The following AFG1L variants were observed in gnomAD, a reference collection of about 807,000 sequenced individuals.
The protein encoded by AFG1L is AFG1 like ATPase.
AFG1L carries 53 observed loss-of-function variants against 62.2 expected under a neutral mutation model. The ratio of observed to expected loss-of-function variants is 0.85; its 90% CI spans 0.68 to 1.07. The LOEUF (loss-of-function observed/expected upper bound fraction) is 1.07. Among genes scored for constraint, AFG1L ranks in the 50% least tolerant of loss-of-function variants. The probability of loss-of-function intolerance (pLI) is 0.00; values close to 1 mark genes in which losing one functional copy is unlikely to be tolerated. For missense variants in AFG1L, 555 were observed against 590.5 expected (o/e 0.94, Z 0.62); for synonymous variants, 228 against 210.3 (o/e 1.08, Z -0.73).
intron 6 of AFG1L, among the ~76,000 whole-genome samples, chr6:108,373,939 A>G (rs904131621): frequency 3.3e-5 from 5 of 152,140 alleles, no homozygotes; most frequent in African/African-American, 1.2e-4. Context: ...GGCTGAACTA[A>G]TTTACATTCC....
chr6:108,367,623 A>G (rs767767529), intron 6 of AFG1L, among the ~76,000 whole-genome samples: 3 of 152,206 alleles, frequency 2.0e-5, no homozygotes, highest in Non-Finnish European at 4.4e-5. Flanking sequence ...CAGAAAAAGC[A>G]GATTTGGTTA....
chr6:108,471,198 G>A (rs1418510068), intron 8 of AFG1L, among the ~76,000 whole-genome samples: 1 of 152,176 alleles, frequency 6.6e-6, no homozygotes, highest in South Asian at 2.1e-4. Context: ...CTTTCTTGAG[G>A]GTGAGATTTG....
In AFG1L at chr6:108,342,832, G is replaced by A. The variant is rs114292139; in HGVS notation, c.364-4156G>A. On this transcript the variant is annotated intron_variant, in intron 2 of 12. Transcript: ENST00000368977. ...TCAATTTACTTATATTAAAATCCCC[G>A]TCTTATACAGTATTCATGTGATATG... 9.0e-3 allele frequency among the ~76,000 whole-genome samples: 1,366 copies of A among 151,960 alleles called. 16 individuals are homozygous for A. The highest frequency in any genetic ancestry group is 0.03 in the African/African-American group (1,250 of 41,450).
rs532976098 is a variant in AFG1L, at chr6:108,502,744, T to C, written c.1063-7468T>C. 6.6e-4 allele frequency among the ~76,000 whole-genome samples: 100 copies of C among 152,350 alleles called. 1 individual carries two copies. Among genetic ancestry groups the C allele is most frequent in the African/African-American group, 2.3e-3 (96 of 41,584 alleles). ...TAAGACAATGAACTTTGCTGTACAA[T>C]GGACTCTTGCTTTCACAAAAGATTT... On this transcript the variant is annotated intron_variant, in intron 10 of 12. Transcript: ENST00000368977.
chr6:108,433,195 A>G (rs1237056338), intron 7 of AFG1L, among the ~76,000 whole-genome samples: 1 of 152,196 alleles, frequency 6.6e-6, no homozygotes, highest in East Asian at 1.9e-4. Flanking sequence ...TATGTGAACA[A>G]ATAAATCTGC....
intron 7 of AFG1L, among the ~76,000 whole-genome samples, chr6:108,437,302 G>A (rs1771353375): frequency 6.6e-6 from 1 of 152,220 alleles, no homozygotes; most frequent in African/African-American, 2.4e-5. Context: ...TAAAATGTGA[G>A]AGGAATTATC....
chr6:108,478,245 A>G (rs917153990), intron 10 of AFG1L, among the ~76,000 whole-genome samples: 10 of 152,148 alleles, frequency 6.6e-5, no homozygotes, highest in South Asian at 2.1e-4. Context: ...AGACCATCCT[A>G]GCTAACACGG....
At chr6:108,488,674 A>C (rs1241512928) in intron 10 of AFG1L, among the ~76,000 whole-genome samples, 2 of 151,754 alleles carry the variant, frequency 1.3e-5, no homozygotes, top group Non-Finnish European at 2.9e-5. Context: ...CCTGGCCAAC[A>C]TGGTGAAACC....
At chr6:108,380,790 T>C (rs972433803) in intron 6 of AFG1L, among the ~76,000 whole-genome samples, 5 of 152,184 alleles carry the variant, frequency 3.3e-5, no homozygotes, top group African/African-American at 1.2e-4. Context: ...ACTCTCGGGC[T>C]TGGGAGAAGC....
At chr6:108,361,302 A>C (rs1338188963) in intron 5 of AFG1L, among the ~76,000 whole-genome samples, 1 of 152,154 alleles carries the variant, frequency 6.6e-6, no homozygotes, top group Non-Finnish European at 1.5e-5. Flanking sequence ...GGTTCTTCAG[A>C]TGGAAGGTGC....
intron 5 of AFG1L, among the ~76,000 whole-genome samples, chr6:108,360,433 G>A (rs1312401642): frequency 1.3e-5 from 2 of 152,126 alleles, no homozygotes; most frequent in East Asian, 1.9e-4. Context: ...TTTTAGTGTA[G>A]CATTTTTTTT....
intron 5 of AFG1L, among the ~76,000 whole-genome samples, chr6:108,365,524 T>C (rs1299224540): frequency 6.9e-6 from 1 of 143,950 alleles, no homozygotes; most frequent in Non-Finnish European, 1.5e-5. Context: ...GGAATATTTG[T>C]GTTTGTGAAG....
chr6:108,362,027 A>G (rs1454933655), intron 5 of AFG1L, among the ~76,000 whole-genome samples: 1 of 152,230 alleles, frequency 6.6e-6, no homozygotes, highest in African/African-American at 2.4e-5. Flanking sequence ...GAATAAATAA[A>G]TGAATGAATG....
intron 6 of AFG1L, among the ~76,000 whole-genome samples, chr6:108,394,209 G>C: frequency 6.9e-6 from 1 of 145,462 alleles, no homozygotes; most frequent in East Asian, 2.2e-4. Context: ...GGGCAATGGC[G>C]CAGTCTTGGC....
chr6:108,306,539 G>T (rs1777204213), intron 1 of AFG1L, among the ~76,000 whole-genome samples: 1 of 151,670 alleles, frequency 6.6e-6, no homozygotes, highest in Admixed American at 6.6e-5. Context: ...CAAAGTATTG[G>T]GTGCCACCTT....
intron 6 of AFG1L, among the ~76,000 whole-genome samples, chr6:108,382,421 C>T (rs887433045): frequency 6.6e-6 from 1 of 152,104 alleles, no homozygotes; most frequent in African/African-American, 2.4e-5. Flanking sequence ...CATATTCATA[C>T]TAAATAAAAG....
intron 10 of AFG1L, among the ~76,000 whole-genome samples, chr6:108,501,131 T>C (rs1774180049): frequency 6.6e-6 from 1 of 152,088 alleles, no homozygotes; most frequent in African/African-American, 2.4e-5. Context: ...GTAGCTGAAA[T>C]TACAGGCACG....
chr6:108,474,282 CATT>C (rs1773026447), intron 8 of AFG1L, among the ~76,000 whole-genome samples: 1 of 152,166 alleles, frequency 6.6e-6, no homozygotes, highest in South Asian at 2.1e-4. Flanking sequence ...TCCAGTCCAT[CATT>C]GATAGGCATT....
Position 108,295,238 on chromosome 6 carries a change from G to A in AFG1L, c.139+20G>A, listed in dbSNP as rs1776719285. Reference sequence around the variant, plus strand: ...GGAAAGGTCAGTGACTGTGCCATGAGTAGTCCGAGCCGACTGCATATGACT... The same window carrying A: ...GGAAAGGTCAGTGACTGTGCCATGAATAGTCCGAGCCGACTGCATATGACT... On this transcript the variant is annotated intron_variant, in intron 1 of 12. Coordinates refer to ENST00000368977, the MANE Select transcript of AFG1L (RefSeq NM_145315.5). 1 of 1,593,306 alleles carries A rather than the reference G, an allele frequency of 6.3e-7. No homozygotes were observed. The highest frequency in any genetic ancestry group is 8.5e-7 in the Non-Finnish European group (1 of 1,175,996).
Sources: allele counts gnomAD v4.1 joint callset (sites outside exome capture counted in the v4.1 genomes callset), GRCh38; gene constraint gnomAD v4.1.1; transcripts MANE v1.5; gene names NCBI Gene and HGNC (gene_info 2026-07-23, HGNC 2026-07-21).